The following CLASP2 variants were observed in gnomAD, a reference collection of about 807,000 sequenced individuals.
CLASP2 encodes the protein cytoplasmic linker associated protein 2, also known as CLIP-associating protein 2.
Under a neutral mutation model 194.4 loss-of-function variants are expected in CLASP2, and 47 were observed. The ratio of observed to expected loss-of-function variants is 0.24; its 90% CI spans 0.19 to 0.31. The LOEUF (loss-of-function observed/expected upper bound fraction) is 0.31, where lower values mean the gene tolerates loss of function less well. Among genes scored for constraint, CLASP2 ranks in the 10% least tolerant of loss-of-function variants. CLASP2 has a pLI of 1.00. For missense variants in CLASP2, 1,445 were observed against 1,823.6 expected (o/e 0.79, Z 3.78); for synonymous variants, 619 against 633.5 (o/e 0.98, Z 0.34).
At chr3:33,625,898 A>T (rs928824758) in intron 10 of CLASP2, among the ~76,000 whole-genome samples, 12 of 148,782 alleles carry the variant, frequency 8.1e-5, no homozygotes, top group African/African-American at 1.5e-4. Flanking sequence ...TTTTTCTAAT[A>T]AAAAAAAAAT....
intron 37 of CLASP2, among the ~76,000 whole-genome samples, chr3:33,508,107 A>C (rs542436768): frequency 6.6e-6 from 1 of 151,582 alleles, no homozygotes; most frequent in Non-Finnish European, 1.5e-5. Context: ...TGATTCTCCT[A>C]CCTCAGCCTG....
At chr3:33,638,159 G>A (rs116198077) in intron 8 of CLASP2, among the ~76,000 whole-genome samples, 1 of 152,130 alleles carries the variant, frequency 6.6e-6, no homozygotes, top group East Asian at 1.9e-4. Flanking sequence ...TAAACACGGA[G>A]TAATACGTGG....
chr3:33,672,322 C>A (rs948303791), intron 6 of CLASP2, among the ~76,000 whole-genome samples: 8 of 152,216 alleles, frequency 5.3e-5, no homozygotes, highest in African/African-American at 1.7e-4. Context: ...ACTGCTGATA[C>A]CCAGGCAAAC....
chr3:33,561,500 C>T (rs567176130), intron 27 of CLASP2, among the ~76,000 whole-genome samples: 12 of 152,194 alleles, frequency 7.9e-5, no homozygotes, highest in Non-Finnish European at 1.8e-4. Flanking sequence ...ATTAAAACTG[C>T]CTCAATGGTA....
At position 33,513,822 on chromosome 3, in the gene CLASP2, T is replaced by TA. The variant is rs2050562163; in HGVS notation, c.4110+2200dup. Among the ~76,000 whole-genome samples, 4 of 152,316 alleles carry TA rather than the reference T, an allele frequency of 2.6e-5. No homozygotes were observed. The South Asian group carries it at 8.3e-4, about 32-fold the overall frequency. On this transcript the variant is annotated intron_variant, in intron 36 of 38. Transcript: ENST00000682230. ...TGTTTATTCAGATCCTTTGTCCATTTAAAAAACTGGGCCATCTTTTCATTG... is the reference window on the plus strand; with the variant it reads ...TGTTTATTCAGATCCTTTGTCCATTTAAAAAAACTGGGCCATCTTTTCATTG...
At chr3:33,542,114 A>G (rs1042372799) in intron 32 of CLASP2, among the ~76,000 whole-genome samples, 3 of 152,110 alleles carry the variant, frequency 2.0e-5, no homozygotes, top group Non-Finnish European at 4.4e-5. Flanking sequence ...TATGCAAATA[A>G]TTTTCCAAAA....
At chr3:33,607,504 T>C (rs760705384) in intron 14 of CLASP2, 43 bp from the exon 15 acceptor site, 3 of 1,397,324 alleles carry the variant, frequency 2.1e-6, no homozygotes, top group Non-Finnish European at 9.9e-7. Context: ...TATAGCTGTA[T>C]GTTTCACCAC....
intron 34 of CLASP2, among the ~76,000 whole-genome samples, chr3:33,524,079 TA>T (rs935915674): frequency 4.0e-4 from 61 of 152,278 alleles, no homozygotes; most frequent in African/African-American, 1.3e-3. Context: ...ATGACAGAAG[TA>T]AGTCCTTTCT....
intron 7 of CLASP2, chr3:33,659,070 G>A: frequency 6.6e-7 from 1 of 1,523,602 alleles, no homozygotes; most frequent in South Asian, 1.2e-5. Context: ...GCGCCACTGG[G>A]CTCGGCCTGC....
intron 7 of CLASP2, among the ~76,000 whole-genome samples, chr3:33,661,345 A>G (rs2085272558): frequency 6.6e-6 from 1 of 152,196 alleles, no homozygotes; most frequent in Non-Finnish European, 1.5e-5. Context: ...TTTTAAGAAG[A>G]TCCCTATGAT....
At chr3:33,663,885 T>A (rs2085727877) in intron 6 of CLASP2, among the ~76,000 whole-genome samples, 1 of 152,082 alleles carries the variant, frequency 6.6e-6, no homozygotes, top group South Asian at 2.1e-4. Flanking sequence ...CATATAAAAA[T>A]CATGCCAAAG....
intron 6 of CLASP2, among the ~76,000 whole-genome samples, chr3:33,679,758 T>C (rs187607678): frequency 3.3e-5 from 5 of 152,282 alleles, no homozygotes; most frequent in East Asian, 3.9e-4. Flanking sequence ...TGTGAAGCAA[T>C]AGGAACTCTC....
intron 14 of CLASP2, among the ~76,000 whole-genome samples, chr3:33,608,255 T>C (rs2074317609): frequency 1.3e-5 from 2 of 152,188 alleles, no homozygotes; most frequent in Non-Finnish European, 2.9e-5. Context: ...ACATGATTGA[T>C]TACACTTCAG....
chr3:33,510,243 C>A (rs2049361926), intron 37 of CLASP2, among the ~76,000 whole-genome samples: 1 of 152,032 alleles, frequency 6.6e-6, no homozygotes, highest in Admixed American at 6.6e-5. Flanking sequence ...GGGGTTATTG[C>A]TTAATGGGTA....
chr3:33,507,184 G>GC (rs1426113553), intron 37 of CLASP2, among the ~76,000 whole-genome samples: 1 of 152,146 alleles, frequency 6.6e-6, no homozygotes. Context: ...TGATTTGCCT[G>GC]CCTCAGCTTC....
At chr3:33,592,872 A>G (rs1429754161) in intron 20 of CLASP2, among the ~76,000 whole-genome samples, 1 of 152,202 alleles carries the variant, frequency 6.6e-6, no homozygotes, top group Non-Finnish European at 1.5e-5. Flanking sequence ...TACAGTTTTA[A>G]ATATAAGCCT....
At chr3:33,602,529 G>A (rs750937905) in intron 18 of CLASP2, 2 of 761,890 alleles carry the variant, frequency 2.6e-6, no homozygotes, top group Admixed American at 3.4e-5. Flanking sequence ...TATATGTTTA[G>A]GGTTTGGTTA....
intron 8 of CLASP2, among the ~76,000 whole-genome samples, chr3:33,642,619 C>T (rs184516877): frequency 6.6e-6 from 1 of 151,966 alleles, no homozygotes; most frequent in East Asian, 1.9e-4. Flanking sequence ...AACTATGTGA[C>T]TCCCAAGGTC....
At chr3:33,571,052 C>T (rs541461715) in intron 25 of CLASP2, among the ~76,000 whole-genome samples, 2 of 113,130 alleles carry the variant, frequency 1.8e-5, no homozygotes, top group Admixed American at 2.3e-4. Context: ...GTCTCGCTGT[C>T]GCCCAGGCTG....
Sources: gnomAD v4.1 joint callset for allele counts (sites outside exome capture counted in the v4.1 genomes callset) on GRCh38, gnomAD v4.1.1 for gene constraint, MANE v1.5 for transcripts, NCBI Gene and HGNC (gene_info 2026-07-23, HGNC 2026-07-21) for gene names.